Variants in TBC1D32 observed in about 807,000 individuals in gnomAD.
The protein encoded by TBC1D32 is TBC1 domain family member 32, also known as protein broad-minded.
TBC1D32 carries 151 observed loss-of-function variants against 170.3 expected under a neutral mutation model. That is an observed-to-expected ratio of 0.89 (90% CI 0.78 to 1.01). TBC1D32 has a LOEUF of 1.01. Among genes scored for constraint, TBC1D32 ranks in the 50% least tolerant of loss-of-function variants. TBC1D32 has a pLI of 0.00. For missense variants in TBC1D32, 1,464 were observed against 1,457.1 expected, an observed-to-expected ratio of 1.00 and a Z score of -0.08; for synonymous variants, 498 against 488.0, an observed-to-expected ratio of 1.02 and a Z score of -0.27.
chr6:121,161,045 A>G lies in TBC1D32; in HGVS notation c.2582T>C (p.Ile861Thr). ...ATTTCTCTCCACTGATAAGCCATCA[A>G]TTATAAAGTCCCTGAAAAAATAAAT... ...SHIFGLRDFI[I>T]DGLSVERNHV... The change falls in exon 23 of 32, where the codon ATT (isoleucine) becomes ACT (threonine). Residue 861 changes from isoleucine (I) to threonine (T), a missense_variant. Physicochemically the swap from Ile to Thr is moderately conservative, Grantham distance 89. Coordinates refer to ENST00000398212, the MANE Select transcript of TBC1D32 (RefSeq NM_152730.6). 1.2e-6 allele frequency: 2 copies of G among 1,610,428 alleles called. No homozygotes were observed. The highest frequency in any genetic ancestry group is 1.7e-6 in the Non-Finnish European group (2 of 1,178,124).
intron 25 of TBC1D32, 124 bp downstream of exon 25, chr6:121,131,503 C>T: frequency 1.0e-6 from 1 of 1,000,088 alleles, no homozygotes; most frequent in Non-Finnish European, 1.4e-6. Flanking sequence ...TCTCAGAAAT[C>T]AGCAAACTTC....
At chr6:121,088,126 C>T (rs548546419) in intron 31 of TBC1D32, among the ~76,000 whole-genome samples, 1 of 151,142 alleles carries the variant, frequency 6.6e-6, no homozygotes, top group Non-Finnish European at 1.5e-5. Flanking sequence ...AATTTTTGTA[C>T]TTTTTTTTGG....
intron 24 of TBC1D32, among the ~76,000 whole-genome samples, chr6:121,151,086 T>C (rs980409406): frequency 1.4e-4 from 22 of 152,186 alleles, no homozygotes; most frequent in African/African-American, 5.3e-4. Flanking sequence ...GTTCTTTTAA[T>C]TGTGATATCA....
chr6:121,153,866 C>T (rs531733365), intron 24 of TBC1D32, among the ~76,000 whole-genome samples: 1 of 152,098 alleles, frequency 6.6e-6, no homozygotes, highest in East Asian at 2.0e-4. Flanking sequence ...TATACCAGGT[C>T]GACTTCAGAC....
At chr6:121,134,827 A>G (rs1001743454) in intron 24 of TBC1D32, among the ~76,000 whole-genome samples, 1 of 152,162 alleles carries the variant, frequency 6.6e-6, no homozygotes, top group Non-Finnish European at 1.5e-5. Context: ...ACAGAGTTCA[A>G]AGTTATCAGT....
chr6:121,239,183 T>C lies in TBC1D32; in HGVS notation c.2251A>G (p.Ile751Val), dbSNP rs1796662417. Residue 751 changes from isoleucine to valine, a missense_variant, in exon 20 of 32, where the codon ATT becomes GTT. By Grantham distance (29) the Ile-to-Val change is conservative. Coordinates refer to ENST00000398212, the MANE Select transcript of TBC1D32 (RefSeq NM_152730.6). ...CATAATTCAGTTATAAGTTCATTAA[T>C]AAACCCTAAAAAGAATTATTACTTC... ...GGIALKKSGF[I>V]NELITELWSN... 5.8e-6 allele frequency: 9 copies of C among 1,548,650 alleles called. No homozygotes were observed. The highest frequency in any genetic ancestry group is 1.7e-5 in the Admixed American group (1 of 59,640).
chr6:121,241,377 ATACT>A, intron 19 of TBC1D32, 84 bp downstream of exon 19: 1 of 1,073,038 alleles, frequency 9.3e-7, no homozygotes. Context: ...AAATATCCTG[ATACT>A]TAATTGTGCC....
intron 21 of TBC1D32, among the ~76,000 whole-genome samples, chr6:121,220,866 C>G (rs936533961): frequency 6.6e-6 from 1 of 152,016 alleles, no homozygotes; most frequent in African/African-American, 2.4e-5. Flanking sequence ...CTCTCGAACT[C>G]CAGACCTCAG....
rs529218663 is a variant in TBC1D32, at chr6:121,101,486, C to G, written c.3465+4537G>C. ...ACATAAACTGAACCAAAGACAAAAA[C>G]CACATGGTTACCTCAATAGATGCAG... On this transcript the variant is annotated intron_variant, in intron 30 of 31. Coordinates refer to ENST00000398212, the MANE Select transcript of TBC1D32 (RefSeq NM_152730.6). 8.5e-4 allele frequency among the ~76,000 whole-genome samples: 130 copies of G among 152,150 alleles called. 1 individual carries two copies. Among genetic ancestry groups the G allele is most frequent in the African/African-American group, 3.1e-3 (127 of 41,512 alleles).
intron 15 of TBC1D32, among the ~76,000 whole-genome samples, chr6:121,271,687 C>T (rs1269115339): frequency 6.6e-6 from 1 of 152,116 alleles, no homozygotes; most frequent in Non-Finnish European, 1.5e-5. Context: ...GGCCATACTG[C>T]CCAAGGTAAT....
intron 23 of TBC1D32, 125 bp downstream of exon 23, chr6:121,160,823 A>G (rs1785529994): frequency 2.8e-6 from 2 of 718,130 alleles, no homozygotes; most frequent in Non-Finnish European, 2.5e-6. Context: ...AATATTCTCA[A>G]GTAATAAGTT....
chr6:121,092,572 G>C (rs74786192), intron 30 of TBC1D32, among the ~76,000 whole-genome samples: 1 of 151,806 alleles, frequency 6.6e-6, no homozygotes, highest in Admixed American at 6.6e-5. Flanking sequence ...GGCAGGGGGG[G>C]CTTAAACAAT....
chr6:121,185,145 C>G (rs74429259), intron 22 of TBC1D32, among the ~76,000 whole-genome samples: 3,257 of 151,888 alleles, frequency 0.021, 51 homozygotes, highest in Non-Finnish European at 0.032. Context: ...TCTCATCTGT[C>G]TCCAAAGTAA....
At chr6:121,106,305 G>A (rs112664123) in intron 29 of TBC1D32, 142 bp from the exon 30 acceptor site, 5,512 of 385,594 alleles carry the variant, frequency 0.014, 54 homozygotes, top group Middle Eastern at 0.031. Flanking sequence ...ACAAATCACT[G>A]TAAATAAAAT....
At chr6:121,265,506 A>G (rs1316708289) in intron 15 of TBC1D32, among the ~76,000 whole-genome samples, 1 of 152,086 alleles carries the variant, frequency 6.6e-6, no homozygotes, top group Admixed American at 6.6e-5. Context: ...CATAGATTCA[A>G]TGCTATTCCC....
chr6:121,299,060 C>T (rs1583634966), intron 10 of TBC1D32, among the ~76,000 whole-genome samples: 2 of 151,946 alleles, frequency 1.3e-5, no homozygotes, highest in South Asian at 2.1e-4. Context: ...AAGTATTTAT[C>T]ATTTTGAGTT....
chr6:121,292,746 C>T (rs1012194166), intron 11 of TBC1D32, among the ~76,000 whole-genome samples: 2 of 152,072 alleles, frequency 1.3e-5, no homozygotes, highest in African/African-American at 4.8e-5. Context: ...TTGATTAGGG[C>T]GCATATGTAT....
At chr6:121,238,593 T>C (rs924383603) in intron 20 of TBC1D32, among the ~76,000 whole-genome samples, 14 of 152,226 alleles carry the variant, frequency 9.2e-5, no homozygotes, top group East Asian at 5.8e-4. Flanking sequence ...TGATAGAACA[T>C]TGGGTGACTG....
chr6:121,213,989 C>T (rs748271606), intron 21 of TBC1D32, among the ~76,000 whole-genome samples: 1 of 151,986 alleles, frequency 6.6e-6, no homozygotes, highest in Non-Finnish European at 1.5e-5. Context: ...TGCACACTTA[C>T]AACTATCTGA....
Sources: gnomAD v4.1 joint callset for allele counts (sites outside exome capture counted in the v4.1 genomes callset) on GRCh38, gnomAD v4.1.1 for gene constraint, MANE v1.5 for transcripts, NCBI Gene and HGNC (gene_info 2026-07-23, HGNC 2026-07-21) for gene names.